Variants in MTMR9 observed in about 807,000 individuals in gnomAD.
The protein encoded by MTMR9 is myotubularin related protein 9.
In MTMR9, 39 loss-of-function variants were observed where a neutral mutation model predicts 69.5. The ratio of observed to expected loss-of-function variants is 0.56; its 90% CI spans 0.43 to 0.73. The LOEUF (loss-of-function observed/expected upper bound fraction) is 0.73, where lower values mean the gene tolerates loss of function less well. Ranked by LOEUF, MTMR9 falls within the 30% of genes least tolerant of loss-of-function variation. MTMR9 has a pLI of 0.00. For missense variants in MTMR9, 900 were observed against 671.2 expected, an observed-to-expected ratio of 1.34 and a Z score of -3.77; for synonymous variants, 354 against 240.8, an observed-to-expected ratio of 1.47 and a Z score of -4.35.
chr8:11,336,570 C>G, the MTMR9 span, among the ~76,000 whole-genome samples: 1 of 152,244 alleles, frequency 6.6e-6, no homozygotes, highest in African/African-American at 2.4e-5. Context: ...GCCAGCCAAA[C>G]CATTATTCAC....
rs1184220553 is a variant in MTMR9 at position 11,324,343 on chromosome 8, A to T, written c.*1555A>T. The T allele has an allele frequency of 6.6e-6, 1 of 152,108 alleles. No individual in the cohort carries two copies. The highest frequency in any genetic ancestry group is 1.5e-5 in the Non-Finnish European group (1 of 68,026). The allele number at this position is 152,108 out of a possible 1,614,324, so 9.4% of individuals were successfully genotyped here. A position where few individuals can be genotyped will look rare whatever the true frequency, so the allele number is the denominator to read the frequency against. On this transcript the variant is annotated 3_prime_UTR_variant, in exon 10 of 10. Coordinates refer to ENST00000221086, the MANE Select transcript of MTMR9 (RefSeq NM_015458.4). ...GGCTACACAGCAGCCCACAGTCCAC[A>T]GTCTTTTTGGGAAAATTGGCCTGCC...
At chr8:11,290,868 T>G (rs1402569573) in intron 1 of MTMR9, among the ~76,000 whole-genome samples, 1 of 151,858 alleles carries the variant, frequency 6.6e-6, no homozygotes, top group Non-Finnish European at 1.5e-5. Flanking sequence ...CTTTCGTTTT[T>G]TTTTTTTTTT....
intron 2 of MTMR9, among the ~76,000 whole-genome samples, chr8:11,296,149 G>C (rs1297508397): frequency 6.6e-6 from 1 of 152,014 alleles, no homozygotes; most frequent in African/African-American, 2.4e-5. Context: ...TTGAACGATA[G>C]CACAGTTTGA....
At chr8:11,286,389 G>T (rs1799155910) in intron 1 of MTMR9, among the ~76,000 whole-genome samples, 5 of 151,674 alleles carry the variant, frequency 3.3e-5, no homozygotes, top group Admixed American at 3.3e-4. Flanking sequence ...AGTGGGCCCG[G>T]CACGGTGGCT....
intron 2 of MTMR9, chr8:11,297,758 C>G (rs958469574): frequency 2.5e-6 from 1 of 398,162 alleles, no homozygotes; most frequent in South Asian, 1.8e-5. Flanking sequence ...GAAACTGACT[C>G]ATTATATAAA....
At position 11,327,779 on chromosome 8, in the gene MTMR9, T is replaced by C. The variant is rs984468298; in HGVS notation, c.*4991T>C. The C allele has an allele frequency of 6.6e-6, 1 of 152,626 alleles. No individual in the cohort carries two copies. The highest frequency in any genetic ancestry group is 2.4e-5 in the African/African-American group (1 of 41,432). The allele number at this position is 152,626 out of a possible 1,614,324, so 9.5% of individuals were successfully genotyped here. A position where few individuals can be genotyped will look rare whatever the true frequency, so the allele number is the denominator to read the frequency against. On this transcript the variant is annotated 3_prime_UTR_variant, in exon 10 of 10. Coordinates refer to ENST00000221086, the MANE Select transcript of MTMR9 (RefSeq NM_015458.4). ...TGCTTTGCTGAAACCTCAAGAGTGC[T>C]GTAAGGTACAGGTTTCCATATTGTG...
intron 2 of MTMR9, chr8:11,298,968 G>T: frequency 3.0e-6 from 2 of 656,682 alleles, no homozygotes; most frequent in Non-Finnish European, 3.8e-6. Context: ...TGACCAAATG[G>T]CATATACCAG....
At chr8:11,336,900 G>A in the MTMR9 span, among the ~76,000 whole-genome samples, 1 of 152,126 alleles carries the variant, frequency 6.6e-6, no homozygotes, top group Admixed American at 6.5e-5. Context: ...GCATCCAACT[G>A]TTTAGCTTGG....
intron 3 of MTMR9, among the ~76,000 whole-genome samples, chr8:11,301,322 C>T (rs1015642496): frequency 5.9e-5 from 9 of 152,102 alleles, no homozygotes; most frequent in African/African-American, 1.9e-4. Context: ...ACCAATGAAA[C>T]AGAATACAGG....
At chr8:11,302,520 G>A (rs1799786655) in intron 3 of MTMR9, among the ~76,000 whole-genome samples, 1 of 152,012 alleles carries the variant, frequency 6.6e-6, no homozygotes, top group Non-Finnish European at 1.5e-5. Context: ...ATTAACAGAG[G>A]AAAAAAGTTT....
downstream of MTMR9, among the ~76,000 whole-genome samples, chr8:11,330,144 A>C (rs1011089311): frequency 3.3e-5 from 5 of 150,150 alleles, no homozygotes; most frequent in African/African-American, 2.5e-5. Flanking sequence ...CCCGTCCGGG[A>C]GGGAGGTCGG....
chr8:11,306,115 C>A, intron 4 of MTMR9, 75 bp from the exon 5 acceptor site: 1 of 1,269,878 alleles, frequency 7.9e-7, no homozygotes, highest in Non-Finnish European at 1.1e-6. Context: ...TACTCTTAAT[C>A]TAGCTAATTT....
intron 8 of MTMR9, chr8:11,319,464 C>G: frequency 1.9e-6 from 1 of 523,840 alleles, no homozygotes; most frequent in Non-Finnish European, 3.4e-6. Context: ...CTGCCAGCTT[C>G]TTGGAAGCCT....
intron 5 of MTMR9, among the ~76,000 whole-genome samples, chr8:11,308,316 C>T (rs1478748028): frequency 1.3e-5 from 2 of 152,142 alleles, no homozygotes; most frequent in South Asian, 2.1e-4. Flanking sequence ...TGTATGTTCT[C>T]GGCAACTTTT....
At chr8:11,306,502 C>T (rs557146071) in intron 5 of MTMR9, 95 bp downstream of exon 5, 47 of 1,128,518 alleles carry the variant, frequency 4.2e-5, no homozygotes, top group Non-Finnish European at 5.5e-5. Flanking sequence ...CTCAAATTAA[C>T]TTCTGCATTA....
chr8:11,290,384 C>G (rs1420975718), intron 1 of MTMR9, among the ~76,000 whole-genome samples: 1 of 152,014 alleles, frequency 6.6e-6, no homozygotes, highest in Non-Finnish European at 1.5e-5. Context: ...TTAGGCATTA[C>G]GAATGTTTTC....
At chr8:11,334,986 A>G in the MTMR9 span, among the ~76,000 whole-genome samples, 4 of 152,232 alleles carry the variant, frequency 2.6e-5, no homozygotes, top group African/African-American at 9.6e-5. Flanking sequence ...AACATACTTA[A>G]TGTTGAGAAG....
chr8:11,310,930 A>G (rs1800173282), intron 6 of MTMR9, among the ~76,000 whole-genome samples: 1 of 152,194 alleles, frequency 6.6e-6, no homozygotes, highest in Non-Finnish European at 1.5e-5. Context: ...GCCACCTCAA[A>G]GGCAGAGACT....
chr8:11,322,131 C>T (rs1230266223), intron 9 of MTMR9, among the ~76,000 whole-genome samples: 7 of 152,144 alleles, frequency 4.6e-5, no homozygotes, highest in Non-Finnish European at 7.3e-5. Flanking sequence ...CATGTAAGCA[C>T]GTGGGCTACA....
Sources: gnomAD v4.1 joint callset for allele counts (sites outside exome capture counted in the v4.1 genomes callset) on GRCh38, gnomAD v4.1.1 for gene constraint, MANE v1.5 for transcripts, NCBI Gene and HGNC (gene_info 2026-07-23, HGNC 2026-07-21) for gene names.